PHACTR2: variants seen among roughly 807,000 people sequenced by gnomAD.
PHACTR2 encodes the protein phosphatase and actin regulator 2.
A neutral mutation model predicts 76.0 loss-of-function variants in PHACTR2; 30 were observed. That is an observed-to-expected ratio of 0.39 (90% CI 0.30 to 0.54). The LOEUF (loss-of-function observed/expected upper bound fraction) is 0.54. Ranked by LOEUF, PHACTR2 falls within the 20% of genes least tolerant of loss-of-function variation. The probability of loss-of-function intolerance (pLI) is 0.61; values close to 1 mark genes in which losing one functional copy is unlikely to be tolerated. For synonymous variants in PHACTR2, 292 were observed against 292.5 expected (o/e 1.00, Z 0.02); for missense variants, 696 against 781.1 (o/e 0.89, Z 1.30).
At chr6:143,746,823 G>A (rs1779078086) in intron 2 of PHACTR2, among the ~76,000 whole-genome samples, 1 of 146,414 alleles carries the variant, frequency 6.8e-6, no homozygotes. Context: ...TTACATAATA[G>A]AACACCCAGT....
rs952572899 is a variant in PHACTR2 at position 143,616,627 on chromosome 6, C to T, written c.13+8305C>T. ...TTAGTGTGGATATGAGAGAATGAAA[C>T]GGAGCTTCTGTCAGCATGCTCCTTC... On this transcript the variant is annotated intron_variant, in intron 1 of 11. Transcript: ENST00000305766. The surrounding 1 kb of genome is among the most constrained non-coding windows in gnomAD (Gnocchi z 4.9). Among the ~76,000 whole-genome samples, 1 of 152,146 alleles carries T rather than the reference C, an allele frequency of 6.6e-6. No individual in the cohort carries two copies. Among genetic ancestry groups the T allele is most frequent in the African/African-American group, 2.4e-5 (1 of 41,414 alleles).
At position 143,671,159 on chromosome 6, in the gene PHACTR2, A is replaced by T. The variant is rs946313667; in HGVS notation, c.14-40857A>T. Among the ~76,000 whole-genome samples, 3 of 152,080 alleles carry T rather than the reference A, an allele frequency of 2.0e-5. No homozygotes were observed. Among genetic ancestry groups the T allele is most frequent in the Non-Finnish European group, 4.4e-5 (3 of 68,000 alleles). Reference sequence around the variant, plus strand: ...TGGTCAGGCTGGTCTTGAACTCCTGACATCATGATCCGCCTGCCTCAGCAG... The same window carrying T: ...TGGTCAGGCTGGTCTTGAACTCCTGTCATCATGATCCGCCTGCCTCAGCAG... On this transcript the variant is annotated intron_variant, in intron 1 of 11. Coordinates refer to the PHACTR2 transcript ENST00000305766. This position sits in a 1 kb window ranked among gnomAD's most constrained non-coding sequence, Gnocchi z 4.6.
At chr6:143,735,347 T>C (rs544826624) in intron 2 of PHACTR2, among the ~76,000 whole-genome samples, 1 of 152,372 alleles carries the variant, frequency 6.6e-6, no homozygotes, top group East Asian at 1.9e-4. Context: ...AAACTGATTA[T>C]GCATTATCGT....
rs1412907291 is a variant in PHACTR2, at chr6:143,755,320, A to G, written c.454+1408A>G. 2.2e-6 allele frequency: 1 copy of G among 455,962 alleles called. No individual in the cohort carries two copies. Among genetic ancestry groups the G allele is most frequent in the Non-Finnish European group, 4.4e-6 (1 of 226,814 alleles). The allele number at this position is 455,962 out of a possible 1,614,324, so 28.2% of individuals were successfully genotyped here. A position where few individuals can be genotyped will look rare whatever the true frequency, so the allele number is the denominator to read the frequency against. Reference sequence around the variant, plus strand: ...GTCTCGCCAGACTGTTGAATTTCAAATCCATCTGTGGTTTGTCCCTGGCAG... The same window carrying G: ...GTCTCGCCAGACTGTTGAATTTCAAGTCCATCTGTGGTTTGTCCCTGGCAG... On this transcript the variant is annotated intron_variant, in intron 4 of 12. Coordinates refer to ENST00000440869, the MANE Select transcript of PHACTR2 (RefSeq NM_001100164.2). This position sits in a 1 kb window ranked among gnomAD's most constrained non-coding sequence, Gnocchi z 5.2.
intron 2 of PHACTR2, among the ~76,000 whole-genome samples, chr6:143,746,521 G>A (rs1166462756): frequency 6.6e-6 from 1 of 152,126 alleles, no homozygotes; most frequent in Non-Finnish European, 1.5e-5. Context: ...TAAGTTTAGG[G>A]CAGAACAGCC....
chr6:143,771,056 A>G (rs1775089280), intron 6 of PHACTR2, among the ~76,000 whole-genome samples: 3 of 143,908 alleles, frequency 2.1e-5, no homozygotes, highest in Admixed American at 1.4e-4. Context: ...AAAAATGAAA[A>G]CACACATAGG....
At chr6:143,814,595 CT>C (rs61652528) in intron 12 of PHACTR2, among the ~76,000 whole-genome samples, 20,139 of 108,334 alleles carry the variant, frequency 0.19, 1,695 homozygotes, top group African/African-American at 0.21. Flanking sequence ...GACATACACA[CT>C]TTTTTTTTTT....
intron 1 of PHACTR2, among the ~76,000 whole-genome samples, chr6:143,702,773 C>CTT (rs1190039194): frequency 0.025 from 2,526 of 100,076 alleles, 287 homozygotes; most frequent in African/African-American, 0.099. Context: ...ATATATACAA[C>CTT]TTTTTTTTTT....
At chr6:143,582,788 A>G (rs1775590428) in intron 1 of PHACTR2, among the ~76,000 whole-genome samples, 1 of 152,164 alleles carries the variant, frequency 6.6e-6, no homozygotes, top group Non-Finnish European at 1.5e-5. Flanking sequence ...AGCTAAACAA[A>G]ACTATTTCAT....
chr6:143,605,980 T>C (rs1775864881), upstream of PHACTR2, among the ~76,000 whole-genome samples: 1 of 152,136 alleles, frequency 6.6e-6, no homozygotes. The surrounding 1 kb of genome is among the most constrained non-coding windows in gnomAD (Gnocchi z 5.0). Flanking sequence ...CCATTTTAAA[T>C]TGCAAAAATG....
At chr6:143,798,843 TTC>T (rs1213570408) in intron 11 of PHACTR2, among the ~76,000 whole-genome samples, 12 of 152,312 alleles carry the variant, frequency 7.9e-5, no homozygotes, top group African/African-American at 2.4e-4. Context: ...TGGCCTAAAA[TTC>T]TCTCTTTTTG....
intron 1 of PHACTR2, among the ~76,000 whole-genome samples, chr6:143,635,654 G>A (rs73007264): frequency 6.6e-6 from 1 of 152,032 alleles, no homozygotes; most frequent in African/African-American, 2.4e-5. Flanking sequence ...AATTTGTTTT[G>A]TCTAGTGCCA....
intron 1 of PHACTR2, among the ~76,000 whole-genome samples, chr6:143,573,927 T>C (rs1190708637): frequency 1.3e-5 from 2 of 152,198 alleles, no homozygotes; most frequent in African/African-American, 4.8e-5. Context: ...TTTCTATTAT[T>C]GCATAGCAAA....
intron 2 of PHACTR2, among the ~76,000 whole-genome samples, chr6:143,717,666 A>C (rs1778334040): frequency 6.6e-6 from 1 of 151,574 alleles, no homozygotes; most frequent in African/African-American, 2.4e-5. Flanking sequence ...CAACCTCCCT[A>C]GGCTCAGATG....
chr6:143,815,371 C>T (rs1379287319), intron 12 of PHACTR2, among the ~76,000 whole-genome samples: 6 of 152,024 alleles, frequency 3.9e-5, no homozygotes, highest in East Asian at 3.9e-4. Context: ...AGCTATGATC[C>T]GGCCACTGCA....
In PHACTR2 at chr6:143,547,784, T is replaced by C. The variant is rs1775030606; in HGVS notation, c.217+10577T>C. Reference sequence around the variant, plus strand: ...TACCTTGCGGCCAGGAACTGATACATTGATACATTGGTTGTGATCAAGGAG... The same window carrying C: ...TACCTTGCGGCCAGGAACTGATACACTGATACATTGGTTGTGATCAAGGAG... On this transcript the variant is annotated intron_variant, in intron 1 of 11. Transcript: ENST00000367584. This position sits in a 1 kb window ranked among gnomAD's most constrained non-coding sequence, Gnocchi z 4.2. Among the ~76,000 whole-genome samples, 1 of 152,246 alleles carries C rather than the reference T, an allele frequency of 6.6e-6. No individual in the cohort carries two copies. The highest frequency in any genetic ancestry group is 1.5e-5 in the Non-Finnish European group (1 of 68,044).
Position 143,767,598 on chromosome 6 carries a change from C to T in PHACTR2, c.1232+1800C>T, listed in dbSNP as rs1331333036. Among the ~76,000 whole-genome samples the T allele has an allele frequency of 6.6e-6, 1 of 152,132 alleles. No homozygotes were observed. Among genetic ancestry groups the T allele is most frequent in the Non-Finnish European group, 1.5e-5 (1 of 68,028 alleles). On this transcript the variant is annotated intron_variant, in intron 6 of 12. Coordinates refer to ENST00000440869, the MANE Select transcript of PHACTR2 (RefSeq NM_001100164.2). The surrounding 1 kb of genome is among the most constrained non-coding windows in gnomAD (Gnocchi z 4.4). Reference sequence around the variant, plus strand: ...TTATAATGATTAGAATATTGGCTTACAGTCCTAGGGGCTGAGAAGTCCAAG... The same window carrying T: ...TTATAATGATTAGAATATTGGCTTATAGTCCTAGGGGCTGAGAAGTCCAAG...
chr6:143,719,772 A>G lies in PHACTR2; in HGVS notation c.214+7589A>G, dbSNP rs559666558. 8.0e-5 allele frequency among the ~76,000 whole-genome samples: 12 copies of G among 149,316 alleles called. No homozygotes were observed. The South Asian group carries it at 2.6e-3, about 32-fold the overall frequency. ...CGTAACCAGCCAAAGGCCACACAGCACATCTAGATCCACAGAGGGCTTCTT... is the reference window on the plus strand; with the variant it reads ...CGTAACCAGCCAAAGGCCACACAGCGCATCTAGATCCACAGAGGGCTTCTT... On this transcript the variant is annotated intron_variant, in intron 2 of 12. Transcript: ENST00000440869.
At chr6:143,741,045 C>T (rs1466515885) in intron 2 of PHACTR2, among the ~76,000 whole-genome samples, 2 of 152,194 alleles carry the variant, frequency 1.3e-5, no homozygotes, top group Non-Finnish European at 2.9e-5. Context: ...GTCAGGAGTT[C>T]GAGACCAGCC....
Sources: allele counts gnomAD v4.1 joint callset (sites outside exome capture counted in the v4.1 genomes callset), GRCh38; gene constraint gnomAD v4.1.1; non-coding constraint Gnocchi (gnomAD v3.1); transcripts MANE v1.5; gene names NCBI Gene and HGNC (gene_info 2026-07-23, HGNC 2026-07-21).